Variants in DAB2IP observed in about 807,000 individuals in gnomAD.
DAB2IP encodes the protein DAB2 interacting protein, also known as disabled homolog 2-interacting protein.
A neutral mutation model predicts 107.2 loss-of-function variants in DAB2IP; 28 were observed. That is an observed-to-expected ratio of 0.26 (90% CI 0.19 to 0.36). The LOEUF is 0.36. DAB2IP is among the 10% of genes least tolerant of loss of function. The probability of loss-of-function intolerance (pLI) is 1.00; values close to 1 mark genes in which losing one functional copy is unlikely to be tolerated. For synonymous variants in DAB2IP, 755 were observed against 706.4 expected (o/e 1.07, Z -1.09); for missense variants, 1,400 against 1,644.7 (o/e 0.85, Z 2.57).
At chr9:121,724,626 G>C (rs1831128681) in intron 3 of DAB2IP, among the ~76,000 whole-genome samples, 1 of 152,224 alleles carries the variant, frequency 6.6e-6, no homozygotes, top group South Asian at 2.1e-4. Flanking sequence ...ACAGAAAGTT[G>C]GTGAATGAAC....
At chr9:121,653,679 C>T (rs1420569253) in intron 1 of DAB2IP, among the ~76,000 whole-genome samples, 3 of 151,388 alleles carry the variant, frequency 2.0e-5, no homozygotes, top group African/African-American at 7.3e-5. Flanking sequence ...GTGACCTTTT[C>T]CTCTTCTCAC....
chr9:121,749,963 G>A (rs991303652), intron 3 of DAB2IP, among the ~76,000 whole-genome samples: 2 of 152,162 alleles, frequency 1.3e-5, no homozygotes, highest in Non-Finnish European at 2.9e-5. Flanking sequence ...TCATAGCTGT[G>A]TCTCCAGCTC....
intron 1 of DAB2IP, among the ~76,000 whole-genome samples, chr9:121,610,256 C>T (rs1283008619): frequency 6.6e-6 from 1 of 152,202 alleles, no homozygotes; most frequent in Non-Finnish European, 1.5e-5. Context: ...TTAGCATTTG[C>T]TCTGCCTCAC....
chr9:121,716,944 A>G (rs1011450035), intron 3 of DAB2IP, among the ~76,000 whole-genome samples: 2 of 151,862 alleles, frequency 1.3e-5, no homozygotes, highest in African/African-American at 4.8e-5. Context: ...GTGAGTGGGA[A>G]CTCTGTCTCC....
chr9:121,775,672 TTCTC>T (rs1160562779), intron 13 of DAB2IP, among the ~76,000 whole-genome samples: 2 of 152,040 alleles, frequency 1.3e-5, no homozygotes, highest in African/African-American at 2.4e-5. Flanking sequence ...TGCCTTTCAG[TTCTC>T]TCTCTCTCCA....
intron 3 of DAB2IP, among the ~76,000 whole-genome samples, chr9:121,709,710 C>T (rs1830238658): frequency 6.6e-6 from 1 of 152,218 alleles, no homozygotes; most frequent in South Asian, 2.1e-4. Context: ...CACCTGGTCA[C>T]TTAAGAAGCA....
At chr9:121,645,880 G>A (rs1242224127) in intron 1 of DAB2IP, among the ~76,000 whole-genome samples, 1 of 152,200 alleles carries the variant, frequency 6.6e-6, no homozygotes, top group Non-Finnish European at 1.5e-5. Context: ...TTTGGGGAAT[G>A]GGGAGATTTT....
intron 2 of DAB2IP, among the ~76,000 whole-genome samples, chr9:121,679,413 T>TACACACACACACACACACACACACAC (rs3138857): frequency 4.5e-4 from 61 of 135,630 alleles, no homozygotes; most frequent in Middle Eastern, 3.8e-3. Context: ...TTTGTGCATG[T>TACACACACACACACACACACACACAC]ACACACACAC....
intron 13 of DAB2IP, among the ~76,000 whole-genome samples, chr9:121,775,044 A>G (rs955168954): frequency 3.3e-5 from 5 of 152,226 alleles, no homozygotes; most frequent in African/African-American, 4.8e-5. Flanking sequence ...ACACTCTGCC[A>G]TCTGCTGGGG....
chr9:121,769,285 G>T (rs1834520981), intron 10 of DAB2IP, among the ~76,000 whole-genome samples: 1 of 152,202 alleles, frequency 6.6e-6, no homozygotes, highest in Non-Finnish European at 1.5e-5. Context: ...ATGCCTCCTG[G>T]TCCCATTCCC....
At chr9:121,681,788 G>A (rs1828615769) in intron 2 of DAB2IP, among the ~76,000 whole-genome samples, 1 of 152,102 alleles carries the variant, frequency 6.6e-6, no homozygotes, top group Non-Finnish European at 1.5e-5. Flanking sequence ...TCAGAGGTGG[G>A]GATCTGGGTT....
rs1275509511 is a variant in DAB2IP at position 121,759,834 on chromosome 9, G to T, written c.616-51G>T. ...CTCTCAGGCTCTGGGCTGGTTGGGG[G>T]TTGCACGTGGCACCCCCAGCTGACC... On this transcript the variant is annotated intron_variant, in intron 5 of 15. Coordinates refer to ENST00000408936, the Ensembl canonical transcript of DAB2IP. The T allele has an allele frequency of 2.0e-6, 3 of 1,527,754 alleles. No individual in the cohort carries two copies. The South Asian group carries it at 3.8e-5, about 19-fold the overall frequency. The allele number at this position is 1,527,754 out of a possible 1,614,324, so 94.6% of individuals were successfully genotyped here. A position where few individuals can be genotyped will look rare whatever the true frequency, so the allele number is the denominator to read the frequency against.
chr9:121,651,690 G>C lies in DAB2IP; in HGVS notation c.-86G>C. The stretch of plus-strand genomic sequence containing the variant: ...CGCTCGGGCGAGCGCGGGAGAACGC[G>C]TGGGCGCCCGCCGGGCTGTCCGGAG... On this transcript the variant is annotated 5_prime_UTR_variant, in exon 1 of 16. Transcript: ENST00000408936. This position sits in a 1 kb window ranked among gnomAD's most constrained non-coding sequence, Gnocchi z 5.1. The C allele has an allele frequency of 8.9e-7, 1 of 1,127,654 alleles. No individual in the cohort carries two copies. Among genetic ancestry groups the C allele is most frequent in the Non-Finnish European group, 1.1e-6 (1 of 922,400 alleles). 69.9% of individuals were successfully genotyped at this position (1,127,654 alleles called of 1,614,324 possible).
intron 3 of DAB2IP, among the ~76,000 whole-genome samples, chr9:121,700,616 G>A (rs1157672045): frequency 1.3e-5 from 2 of 152,190 alleles, no homozygotes; most frequent in Non-Finnish European, 2.9e-5. Flanking sequence ...CTTGGTTCTA[G>A]CGGGCAGAGG....
At chr9:121,716,399 C>T (rs1830605617) in intron 3 of DAB2IP, among the ~76,000 whole-genome samples, 1 of 152,186 alleles carries the variant, frequency 6.6e-6, no homozygotes, top group Non-Finnish European at 1.5e-5. Context: ...GAGTTTCATC[C>T]CAAACTTAGG....
intron 3 of DAB2IP, chr9:121,743,029 C>G: frequency 2.0e-6 from 2 of 977,230 alleles, no homozygotes; most frequent in Non-Finnish European, 2.4e-6. Flanking sequence ...CAGTCAGGGC[C>G]TCGTGGAGGG....
At position 121,606,458 on chromosome 9, in the gene DAB2IP, A is replaced by G. The variant is rs541883173; in HGVS notation, c.40+39230A>G. 3.9e-4 allele frequency among the ~76,000 whole-genome samples: 59 copies of G among 152,318 alleles called. 1 individual carries two copies. In the South Asian group the frequency reaches 0.011, roughly 29 times the overall value. The stretch of plus-strand genomic sequence containing the variant: ...TGCTTTCTGCAGAGGGTCCCCTCCC[A>G]GTCCCCCTGTGACTTTCTGCTGAGG... On this transcript the variant is annotated intron_variant, in intron 1 of 16. Transcript: ENST00000259371.
intron 14 of DAB2IP, among the ~76,000 whole-genome samples, chr9:121,777,912 GC>G (rs1256496232): frequency 5.3e-5 from 8 of 152,170 alleles, no homozygotes; most frequent in African/African-American, 1.9e-4. Context: ...TCTGAAATCT[GC>G]CTTGTCTGCT....
chr9:121,701,389 G>A lies in DAB2IP; in HGVS notation c.362+1931G>A, dbSNP rs574340740. 6.6e-6 allele frequency among the ~76,000 whole-genome samples: 1 copy of A among 152,376 alleles called. No individual in the cohort carries two copies. The highest frequency in any genetic ancestry group is 2.4e-5 in the African/African-American group (1 of 41,598). On this transcript the variant is annotated intron_variant, in intron 3 of 15. Coordinates refer to ENST00000408936, the Ensembl canonical transcript of DAB2IP. This position sits in a 1 kb window ranked among gnomAD's most constrained non-coding sequence, Gnocchi z 4.7. ...CATGCTGAAGGGGCGCAGAGTGGGGGTTGGGAGTGAAACTACAAGCCTGTT... is the reference window on the plus strand; with the variant it reads ...CATGCTGAAGGGGCGCAGAGTGGGGATTGGGAGTGAAACTACAAGCCTGTT...
Sources: allele counts gnomAD v4.1 joint callset (sites outside exome capture counted in the v4.1 genomes callset), GRCh38; gene constraint gnomAD v4.1.1; non-coding constraint Gnocchi (gnomAD v3.1); transcripts MANE v1.5; gene names NCBI Gene and HGNC (gene_info 2026-07-23, HGNC 2026-07-21).